Variants in PLPPR1 observed in about 807,000 individuals in gnomAD.
The protein encoded by PLPPR1 is phospholipid phosphatase related 1.
In PLPPR1, 10 loss-of-function variants were observed where a neutral mutation model predicts 33.1. The ratio of observed to expected loss-of-function variants is 0.30; its 90% CI spans 0.19 to 0.51. PLPPR1 has a LOEUF of 0.51. Ranked by LOEUF, PLPPR1 falls within the 20% of genes least tolerant of loss-of-function variation. The pLI is 0.97. For missense variants in PLPPR1, 304 were observed against 408.1 expected (o/e 0.74, Z 2.20); for synonymous variants, 151 against 151.0 (o/e 1.00, Z 0.00).
Position 101,264,744 on chromosome 9 carries a change from C to G in PLPPR1, c.64-5136C>G, listed in dbSNP as rs368141433. 1.2e-3 allele frequency among the ~76,000 whole-genome samples: 183 copies of G among 152,242 alleles called. 2 individuals are homozygous for G. In the South Asian group the frequency reaches 0.018, roughly 15 times the overall value. Reference sequence around the variant, plus strand: ...GACAGATATATTGTCTCTGGTTTGTCTGTGCTTGGTTCATTGTTTGTGTTT... The same window carrying G: ...GACAGATATATTGTCTCTGGTTTGTGTGTGCTTGGTTCATTGTTTGTGTTT... On this transcript the variant is annotated intron_variant, in intron 2 of 7. Transcript: ENST00000374874.
intron 2 of PLPPR1, among the ~76,000 whole-genome samples, chr9:101,241,404 C>T (rs374901902): frequency 1.2e-3 from 188 of 152,118 alleles, no homozygotes; most frequent in African/African-American, 3.7e-3. Flanking sequence ...AATATACTAA[C>T]ACTAACAGTA....
chr9:101,178,747 A>G (rs2915415), intron 1 of PLPPR1, among the ~76,000 whole-genome samples: 142,253 of 152,198 alleles, frequency 0.93, 66,605 homozygotes, highest in African/African-American at 0.98. Flanking sequence ...CCAGAAGGCC[A>G]TGTATGCTCC....
chr9:101,141,060 G>A (rs898294084), intron 1 of PLPPR1, among the ~76,000 whole-genome samples: 1 of 148,530 alleles, frequency 6.7e-6, no homozygotes, highest in African/African-American at 2.4e-5. Flanking sequence ...TGACATTTCT[G>A]TATAATTTAA....
intron 7 of PLPPR1, among the ~76,000 whole-genome samples, chr9:101,317,892 A>C (rs1829085151): frequency 1.3e-5 from 2 of 152,240 alleles, no homozygotes; most frequent in Admixed American, 1.3e-4. Context: ...GGCACATTTT[A>C]AAAGGCTACT....
chr9:101,065,914 A>G (rs1463543953), intron 1 of PLPPR1, among the ~76,000 whole-genome samples: 1 of 152,046 alleles, frequency 6.6e-6, no homozygotes, highest in Non-Finnish European at 1.5e-5. Context: ...AACTTCCCCT[A>G]TTGTTGACAT....
At chr9:101,164,364 T>C (rs978403130) in intron 1 of PLPPR1, among the ~76,000 whole-genome samples, 1 of 119,244 alleles carries the variant, frequency 8.4e-6, no homozygotes, top group Admixed American at 8.3e-5. Flanking sequence ...TCTTTTCTTT[T>C]CTTTTTTTTT....
chr9:101,100,714 G>GTGTGTGTT (rs1159983693), intron 1 of PLPPR1, among the ~76,000 whole-genome samples: 3 of 151,778 alleles, frequency 2.0e-5, no homozygotes, highest in Non-Finnish European at 4.4e-5. Flanking sequence ...GTGTGTGTGT[G>GTGTGTGTT]TGTGTGTGTG....
At chr9:101,143,487 A>G (rs991336497) in intron 1 of PLPPR1, among the ~76,000 whole-genome samples, 1 of 152,196 alleles carries the variant, frequency 6.6e-6, no homozygotes, top group South Asian at 2.1e-4. Context: ...TAGAGTGAAC[A>G]GGCAACCTAC....
In PLPPR1 at chr9:101,050,178, A is replaced by G. The variant is rs74316556; in HGVS notation, c.-46+21076A>G. 5.4e-4 allele frequency among the ~76,000 whole-genome samples: 82 copies of G among 151,330 alleles called. 1 individual carries two copies. In the East Asian group the frequency reaches 0.016, roughly 29 times the overall value. The stretch of plus-strand genomic sequence containing the variant: ...ATAAGCAATTCTCTGAGTTTTTTAC[A>G]CTTAGACCGGACAACTATAACAGGA... On this transcript the variant is annotated intron_variant, in intron 1 of 7. Coordinates refer to ENST00000374874, the MANE Select transcript of PLPPR1 (RefSeq NM_207299.2).
intron 1 of PLPPR1, among the ~76,000 whole-genome samples, chr9:101,041,108 A>G (rs1830072971): frequency 6.6e-6 from 1 of 152,136 alleles, no homozygotes; most frequent in Non-Finnish European, 1.5e-5. Flanking sequence ...GACAGCTCTT[A>G]ATGAGGCAGA....
intron 2 of PLPPR1, among the ~76,000 whole-genome samples, chr9:101,191,996 T>C (rs1410455955): frequency 6.6e-6 from 1 of 152,220 alleles, no homozygotes; most frequent in African/African-American, 2.4e-5. Flanking sequence ...TAGCAGGTGA[T>C]TGTTATAAAT....
intron 4 of PLPPR1, among the ~76,000 whole-genome samples, chr9:101,296,064 G>A (rs1828629812): frequency 6.6e-6 from 1 of 151,812 alleles, no homozygotes; most frequent in Admixed American, 6.6e-5. Context: ...CTGACAAAGG[G>A]CTAATATCCA....
chr9:101,247,742 C>T (rs754120434), intron 2 of PLPPR1, among the ~76,000 whole-genome samples: 15 of 152,096 alleles, frequency 9.9e-5, no homozygotes, highest in African/African-American at 3.1e-4. Flanking sequence ...TAGTCTGGAG[C>T]GCTGATTTTT....
rs1416657330 is a variant in PLPPR1 at position 101,325,031 on chromosome 9, G to GTAC, written c.*975_*977dup. The GTAC allele has an allele frequency of 6.6e-6, 1 of 152,024 alleles. No homozygotes were observed. The highest frequency in any genetic ancestry group is 1.5e-5 in the Non-Finnish European group (1 of 67,970). The allele number at this position is 152,024 out of a possible 1,614,324, so 9.4% of individuals were successfully genotyped here. A position where few individuals can be genotyped will look rare whatever the true frequency, so the allele number is the denominator to read the frequency against. ...TTTGATTGAAGGAGCTCTTTTGTCC[G>GTAC]TACCTATCAGAATGTTTTCTTGACA... On this transcript the variant is annotated 3_prime_UTR_variant, in exon 8 of 8. Transcript: ENST00000374874.
intron 4 of PLPPR1, among the ~76,000 whole-genome samples, chr9:101,292,899 A>C (rs905992615): frequency 6.6e-6 from 1 of 151,892 alleles, no homozygotes; most frequent in African/African-American, 2.4e-5. Context: ...GCATCAACTA[A>C]CGAGCAAAAT....
At chr9:101,266,252 C>T (rs1453680510) in intron 2 of PLPPR1, among the ~76,000 whole-genome samples, 1 of 151,730 alleles carries the variant, frequency 6.6e-6, no homozygotes, top group African/African-American at 2.4e-5. Context: ...CATGATGAAA[C>T]CTTGTCTCTA....
At chr9:101,322,931 C>G (rs949963881) in intron 7 of PLPPR1, among the ~76,000 whole-genome samples, 41 of 152,116 alleles carry the variant, frequency 2.7e-4, no homozygotes, top group African/African-American at 9.7e-4. Context: ...TTTAATGGAT[C>G]TGTATTATGT....
intron 1 of PLPPR1, among the ~76,000 whole-genome samples, chr9:101,110,047 C>T (rs1214959168): frequency 1.3e-5 from 2 of 152,096 alleles, no homozygotes; most frequent in Admixed American, 1.3e-4. Flanking sequence ...GAAAACAGCT[C>T]TTGTTATTGT....
chr9:101,073,306 T>G (rs1241085542), intron 1 of PLPPR1, among the ~76,000 whole-genome samples: 1 of 152,138 alleles, frequency 6.6e-6, no homozygotes, highest in Non-Finnish European at 1.5e-5. Context: ...GCACAGCATG[T>G]GTTTTGTTTC....
Sources: allele counts gnomAD v4.1 joint callset (sites outside exome capture counted in the v4.1 genomes callset), GRCh38; gene constraint gnomAD v4.1.1; transcripts MANE v1.5; gene names NCBI Gene and HGNC (gene_info 2026-07-23, HGNC 2026-07-21).